Variants in EPYC observed in about 807,000 individuals in gnomAD.
The protein encoded by EPYC is dermatan sulfate proteoglycan 3.
Under a neutral mutation model 30.1 loss-of-function variants are expected in EPYC, and 28 were observed. The ratio of observed to expected loss-of-function variants is 0.93; its 90% confidence interval spans 0.69 to 1.28. EPYC has a LOEUF of 1.28. Ranked by LOEUF, EPYC falls within the 50% of genes most tolerant of loss-of-function variation. The probability of loss-of-function intolerance (pLI) is 0.00; values close to 1 mark genes in which losing one functional copy is unlikely to be tolerated. For synonymous variants in EPYC, 144 were observed against 141.4 expected, an observed-to-expected ratio of 1.02 and a Z score of -0.13; for missense variants, 382 against 383.5, an observed-to-expected ratio of 1.00 and a Z score of 0.03.
At chr12:90,999,505 G>T (rs2120870172) in intron 2 of EPYC, among the ~76,000 whole-genome samples, 1 of 152,032 alleles carries the variant, frequency 6.6e-6, no homozygotes, top group African/African-American at 2.4e-5. Context: ...AAAATATGAA[G>T]AATCTCATCC....
chr12:90,978,977 A>T (rs1877263219), intron 2 of EPYC, among the ~76,000 whole-genome samples: 1 of 152,188 alleles, frequency 6.6e-6, no homozygotes, highest in Non-Finnish European at 1.5e-5. Context: ...TGACACTAGG[A>T]GGCAGTTATA....
At chr12:90,980,899 A>G (rs775823518) in intron 2 of EPYC, among the ~76,000 whole-genome samples, 2 of 152,150 alleles carry the variant, frequency 1.3e-5, no homozygotes, top group Non-Finnish European at 2.9e-5. Context: ...TATAATACAA[A>G]TGGTCATTAC....
chr12:91,004,738 T>C (rs1877912840), intron 1 of EPYC, among the ~76,000 whole-genome samples: 1 of 152,112 alleles, frequency 6.6e-6, no homozygotes, highest in Non-Finnish European at 1.5e-5. Context: ...TGAGATTAAC[T>C]ATTTGCTGTA....
chr12:90,968,759 A>C (rs1408701276), intron 6 of EPYC, among the ~76,000 whole-genome samples: 1 of 152,102 alleles, frequency 6.6e-6, no homozygotes, highest in Non-Finnish European at 1.5e-5. Flanking sequence ...AGATAATAGT[A>C]ATAAAATTTA....
At chr12:90,976,666 A>AT (rs1265400344) in intron 3 of EPYC, among the ~76,000 whole-genome samples, 3 of 152,076 alleles carry the variant, frequency 2.0e-5, no homozygotes, top group Non-Finnish European at 2.9e-5. Context: ...GACTTTTCTC[A>AT]TAAGACCTGT....
At chr12:90,993,141 G>A (rs1168046614) in intron 2 of EPYC, among the ~76,000 whole-genome samples, 1 of 152,072 alleles carries the variant, frequency 6.6e-6, no homozygotes, top group Non-Finnish European at 1.5e-5. Context: ...TAAGCTAATT[G>A]ATGATTGAGA....
chr12:90,986,945 C>T (rs961635024), intron 2 of EPYC, among the ~76,000 whole-genome samples: 4 of 152,126 alleles, frequency 2.6e-5, no homozygotes, highest in Non-Finnish European at 5.9e-5. Flanking sequence ...CCAGCTGCTA[C>T]TCCAGTATGC....
intron 2 of EPYC, among the ~76,000 whole-genome samples, chr12:90,986,769 C>A (rs1053991785): frequency 6.6e-6 from 1 of 152,128 alleles, no homozygotes; most frequent in African/African-American, 2.4e-5. Flanking sequence ...AACTACAGGA[C>A]TATGAGCTGA....
intron 2 of EPYC, among the ~76,000 whole-genome samples, chr12:90,997,940 T>TG (rs1424395284): frequency 1.1e-4 from 17 of 152,028 alleles, no homozygotes; most frequent in Admixed American, 9.2e-4. Context: ...TGACAGAAAA[T>TG]GGGGGCAGAA....
intron 2 of EPYC, among the ~76,000 whole-genome samples, chr12:90,986,035 A>G (rs1160828034): frequency 6.6e-6 from 1 of 152,064 alleles, no homozygotes; most frequent in Non-Finnish European, 1.5e-5. Flanking sequence ...TGCTCTTTTC[A>G]CTTGCCTTTC....
chr12:90,996,611 A>G (rs1184760069), intron 2 of EPYC, among the ~76,000 whole-genome samples: 1 of 151,950 alleles, frequency 6.6e-6, no homozygotes, highest in East Asian at 1.9e-4. Flanking sequence ...AATCTTCTAG[A>G]GTTTTAAAAA....
intron 1 of EPYC, among the ~76,000 whole-genome samples, chr12:91,003,271 A>G (rs1877874071): frequency 6.6e-6 from 1 of 152,054 alleles, no homozygotes; most frequent in Non-Finnish European, 1.5e-5. Context: ...TTCATGCAAT[A>G]TTGTTCAAAA....
rs777788937 is a variant in EPYC at position 90,972,847 on chromosome 12, G to C, written c.474C>G (p.Ile158Met). The C allele has an allele frequency of 6.2e-7, 1 of 1,613,214 alleles. No homozygotes were observed. The highest frequency in any genetic ancestry group is 1.3e-5 in the African/African-American group (1 of 74,850). Residue 158 changes from isoleucine (I) to methionine (M), a missense_variant, in exon 4 of 7, where the codon ATC (isoleucine) becomes ATG (methionine). Coordinates refer to ENST00000261172, the MANE Select transcript of EPYC (RefSeq NM_004950.5). Reference sequence around the variant, plus strand: ...TTAGGCTTGCAAAGTCATTTTTGTTGATCTTTTTAATTCTGTTAAAGCGGG... The same window carrying C: ...TTAGGCTTGCAAAGTCATTTTTGTTCATCTTTTTAATTCTGTTAAAGCGGG... ...FYSRFNRIKK[I>M]NKNDFASLSD...
chr12:90,991,923 T>C (rs1015255397), intron 2 of EPYC, among the ~76,000 whole-genome samples: 8 of 152,142 alleles, frequency 5.3e-5, no homozygotes, highest in African/African-American at 1.9e-4. Flanking sequence ...AACAAAGTCT[T>C]GAGGAGAATG....
intron 2 of EPYC, among the ~76,000 whole-genome samples, chr12:91,001,384 A>G (rs10859088): frequency 0.069 from 10,461 of 152,162 alleles, 620 homozygotes; most frequent in South Asian, 0.2. Context: ...AAAATATGTT[A>G]TGATCCTTTA....
chr12:90,977,949 A>G (rs922100041), intron 3 of EPYC, 139 bp downstream of exon 3: 6 of 541,496 alleles, frequency 1.1e-5, no homozygotes, highest in African/African-American at 9.9e-5. Context: ...AAATCTATGT[A>G]TAAATATGCT....
intron 1 of EPYC, 44 bp from the exon 2 acceptor site, chr12:91,002,622 T>A (rs1877859683): frequency 7.1e-7 from 1 of 1,415,856 alleles, no homozygotes; most frequent in Non-Finnish European, 9.6e-7. Context: ...AATTGATAAC[T>A]TATGAATAGT....
intron 1 of EPYC, among the ~76,000 whole-genome samples, chr12:91,003,081 G>A (rs1288607631): frequency 6.6e-6 from 1 of 152,014 alleles, no homozygotes; most frequent in Non-Finnish European, 1.5e-5. Flanking sequence ...TCCACAGTGT[G>A]GCTTAGGCAT....
chr12:90,991,133 A>G (rs187562372), intron 2 of EPYC, among the ~76,000 whole-genome samples: 10 of 152,280 alleles, frequency 6.6e-5, no homozygotes, highest in African/African-American at 2.2e-4. Context: ...GTGCCAAGGA[A>G]TGGAGTATAT....
Sources: allele counts gnomAD v4.1 joint callset (sites outside exome capture counted in the v4.1 genomes callset), GRCh38; gene constraint gnomAD v4.1.1; transcripts MANE v1.5; gene names NCBI Gene and HGNC (gene_info 2026-07-23, HGNC 2026-07-21).